Variants in TULP2 observed in about 807,000 individuals in gnomAD.
TULP2 encodes the protein TUB like protein 2, also known as tubby-related protein 2.
TULP2 carries 64 observed loss-of-function variants against 60.3 expected under a neutral mutation model. The ratio of observed to expected loss-of-function variants is 1.06; its 90% CI spans 0.87 to 1.31. The LOEUF is 1.31. Among genes scored for constraint, TULP2 ranks in the 50% most tolerant of loss-of-function variants. TULP2 has a pLI of 0.00. For synonymous variants in TULP2, 267 were observed against 265.4 expected (o/e 1.01, Z -0.06); for missense variants, 652 against 667.0 (o/e 0.98, Z 0.25).
intron 9 of TULP2, 35 bp from the exon 10 acceptor site, chr19:48,884,081 C>CTAAGTGTTACTCTTTGAG: frequency 6.4e-7 from 1 of 1,552,344 alleles, no homozygotes; most frequent in South Asian, 1.1e-5. Flanking sequence ...AATAAAAATA[C>CTAAGTGTTACTCTTTGAG]TAAGTGTTAC....
At chr19:48,894,943 A>T in intron 6 of TULP2, 55 bp downstream of exon 6, 26 of 1,561,596 alleles carry the variant, frequency 1.7e-5, no homozygotes, top group Non-Finnish European at 2.2e-5. Context: ...AAAGGGGAAG[A>T]TTTGCTGCAT....
At chr19:48,887,343 T>TTTTTTTTTTTTTTTTTTTTTTA (rs1568571174) in intron 8 of TULP2, among the ~76,000 whole-genome samples, 1 of 88,762 alleles carries the variant, frequency 1.1e-5, no homozygotes, top group Admixed American at 1.2e-4. Context: ...TTTTTTTTTT[T>TTTTTTTTTTTTTTTTTTTTTTA]ATGCAGAGTC....
In TULP2 at chr19:48,885,542, G is replaced by A. The variant is rs751465319; in HGVS notation, c.967C>T (p.Arg323Ter). The change falls in exon 9 of 13, where the codon CGA becomes TGA. Residue 323 changes from arginine to a stop codon, truncating the protein, a stop_gained. Coordinates refer to ENST00000221399, the MANE Select transcript of TULP2 (RefSeq NM_003323.3). LOFTEE classifies it high-confidence loss of function. ...DSLQRFLLAG[R>*]KRRRSKTSNY... ...GAAGTTTTGCTCCTTCTTCTCTTTC[G>A]CCCAGCCAGGAGGAAGCGCTATGGA... 29 of 1,613,670 alleles carry A rather than the reference G, an allele frequency of 1.8e-5. No homozygotes were observed. The highest frequency in any genetic ancestry group is 1.6e-4 in the Middle Eastern group (1 of 6,084).
In TULP2 at chr19:48,894,990, TAA is replaced by T. The variant is rs1463970898; in HGVS notation, c.514+6_514+7del. The T allele has an allele frequency of 1.9e-6, 3 of 1,609,668 alleles. No individual in the cohort carries two copies. The highest frequency in any genetic ancestry group is 2.5e-6 in the Non-Finnish European group (3 of 1,178,342). On this transcript the variant is annotated splice_donor_region_variant and intron_variant, in intron 6 of 12. Transcript: ENST00000221399. Reference sequence around the variant, plus strand: ...TCCCAGGTTTCACCCCAATGTCCCCTAAATTACCAGGTCGTTGGTGGGCTTGC... The same window carrying T: ...TCCCAGGTTTCACCCCAATGTCCCCTATTACCAGGTCGTTGGTGGGCTTGC...
rs2037265935 is a variant in TULP2, at chr19:48,895,046, G to C, written c.466C>G (p.Gln156Glu). ...NGSVSPPPFK[Q>E]SPRIRRKGWQ... ...CCCTTGCGTCGGATTCTCGGAGACTGTTTAAAAGGTGGGGGAGAGACGGAA... is the reference window on the plus strand; with the variant it reads ...CCCTTGCGTCGGATTCTCGGAGACTCTTTAAAAGGTGGGGGAGAGACGGAA... The change falls in exon 6 of 13, where the codon CAG becomes GAG. Residue 156 changes from glutamine (Q) to glutamate (E), a missense_variant. By Grantham distance (29) the Gln-to-Glu change is conservative. Coordinates refer to ENST00000221399, the MANE Select transcript of TULP2 (RefSeq NM_003323.3). The C allele has an allele frequency of 1.2e-6, 2 of 1,614,020 alleles. No individual in the cohort carries two copies. The highest frequency in any genetic ancestry group is 1.3e-5 in the African/African-American group (1 of 74,906).
rs962169176 is a variant in TULP2, at chr19:48,883,849, G to A, written c.1180C>T (p.Pro394Ser). The change falls in exon 11 of 13, where the codon CCC becomes TCC. Residue 394 changes from proline to serine, a missense_variant. Pro to Ser is a moderately conservative substitution (Grantham distance 74). Transcript: ENST00000221399. Reference protein sequence around the residue: ...RQELGAVCYEPNVLGYLGPRK... With the variant: ...RQELGAVCYESNVLGYLGPRK... ...GGCCCCAGGTATCCTAAGACGTTGG[G>A]CTCCTGGGGGTATTACATTCCAGTT... is the stretch of plus-strand genomic sequence containing the variant. 55 of 1,613,920 alleles carry A rather than the reference G, an allele frequency of 3.4e-5. No homozygotes were observed. The highest frequency in any genetic ancestry group is 1.6e-4 in the Middle Eastern group (1 of 6,084).
At chr19:48,894,461 T>G (rs2037260369) in intron 6 of TULP2, among the ~76,000 whole-genome samples, 1 of 151,966 alleles carries the variant, frequency 6.6e-6, no homozygotes, top group East Asian at 1.9e-4. Context: ...GCCAGCATGG[T>G]GAAACCCCAT....
At chr19:48,882,313 G>C (rs146972211) in intron 11 of TULP2, 110 bp from the exon 12 acceptor site, 2 of 1,221,770 alleles carry the variant, frequency 1.6e-6, no homozygotes, top group Admixed American at 4.4e-5. Flanking sequence ...ACAGGGGCTG[G>C]GTAAAATGAG....
chr19:48,885,577 C>G lies in TULP2; in HGVS notation c.949-17G>C. 2 of 1,609,496 alleles carry G rather than the reference C, an allele frequency of 1.2e-6. No individual in the cohort carries two copies. Among genetic ancestry groups the G allele is most frequent in the Non-Finnish European group, 1.7e-6 (2 of 1,176,220 alleles). On this transcript the variant is annotated splice_polypyrimidine_tract_variant and intron_variant, in intron 8 of 12. Transcript: ENST00000221399. The stretch of plus-strand genomic sequence containing the variant: ...GAGGAAGCGCTATGGATGAGAGGAA[C>G]AGTCCATTAGAATGGACTTCTGGAT...
At chr19:48,891,138 C>A (rs2037228551) in intron 6 of TULP2, among the ~76,000 whole-genome samples, 2 of 145,328 alleles carry the variant, frequency 1.4e-5, no homozygotes, top group Admixed American at 1.4e-4. Context: ...CATGGTGAAA[C>A]CCCGTCTCTA....
chr19:48,881,999 C>T, intron 12 of TULP2, 33 bp downstream of exon 12: 1 of 1,614,190 alleles, frequency 6.2e-7, no homozygotes, highest in Admixed American at 1.7e-5. Flanking sequence ...CCCACCCCAC[C>T]TGGCCCGGCT....
At chr19:48,890,140 C>T (rs1456977032) in intron 6 of TULP2, among the ~76,000 whole-genome samples, 9 of 151,762 alleles carry the variant, frequency 5.9e-5, no homozygotes, top group African/African-American at 9.7e-5. Flanking sequence ...GTCTCCTGCC[C>T]GTCCCTGGGC....
chr19:48,885,094 T>C (rs1177877759), intron 9 of TULP2, among the ~76,000 whole-genome samples: 1 of 151,664 alleles, frequency 6.6e-6, no homozygotes, highest in Non-Finnish European at 1.5e-5. Context: ...AGAGACGGGG[T>C]TTCACCATGT....
Position 48,882,205 on chromosome 19 carries a change from T to C in TULP2, c.1276-2A>G, listed in dbSNP as rs776612769. ...ACGACTCAGTAGCGACTCCTGTTCC[T>C]AGAAGGTAAAGAAGGGGCTGTGGTT... On this transcript the variant is annotated splice_acceptor_variant, in intron 11 of 12. Transcript: ENST00000221399. LOFTEE classifies it high-confidence loss of function. 8 of 1,613,876 alleles carry C rather than the reference T, an allele frequency of 5.0e-6. No homozygotes were observed. In the African/African-American group the frequency reaches 6.7e-5, roughly 13 times the overall value.
intron 6 of TULP2, among the ~76,000 whole-genome samples, chr19:48,890,551 G>A (rs10439081): frequency 2.4e-3 from 345 of 143,700 alleles, no homozygotes; most frequent in Non-Finnish European, 4.0e-3. Flanking sequence ...CAAGTCTCTC[G>A]TTCCACCTAA....
intron 4 of TULP2, among the ~76,000 whole-genome samples, chr19:48,895,937 C>T (rs944489698): frequency 4.6e-5 from 7 of 152,180 alleles, no homozygotes; most frequent in African/African-American, 1.4e-4. Context: ...AGACCCAGGT[C>T]CCAAACTGCA....
At chr19:48,884,367 C>A (rs113069070) in intron 9 of TULP2, among the ~76,000 whole-genome samples, 1 of 152,042 alleles carries the variant, frequency 6.6e-6, no homozygotes. Context: ...TCACCTGAGC[C>A]CCAGAGGTCA....
chr19:48,896,557 C>A lies in TULP2; in HGVS notation c.85-1G>T. 6.3e-7 allele frequency: 1 copy of A among 1,597,680 alleles called. No homozygotes were observed. Among genetic ancestry groups the A allele is most frequent in the South Asian group, 1.1e-5 (1 of 89,030 alleles). On this transcript the variant is annotated splice_acceptor_variant, in intron 3 of 12. Transcript: ENST00000221399. LOFTEE classifies it high-confidence loss of function. ...GCTGCTTCTTTTCAAACAGCCGCCG[C>A]TGGGGAGATGGGAGAGGTGGGTGTC...
At position 48,897,947 on chromosome 19, in the gene TULP2, CCTTATTTA is replaced by C. The variant is rs2037297250; in HGVS notation, c.-1-86_-1-79del. The C allele has an allele frequency of 1.0e-5, 8 of 797,584 alleles. No individual in the cohort carries two copies. Among genetic ancestry groups the C allele is most frequent in the East Asian group, 9.7e-5 (3 of 31,002 alleles). The allele number at this position is 797,584 out of a possible 1,614,324, so 49.4% of individuals were successfully genotyped here. ...CTGCCCACCAGCACCTAATCTTTAG[CCTTATTTA>C]TTTATTTATTTATTTATTTATTTAT... On this transcript the variant is annotated intron_variant, in intron 1 of 12. Coordinates refer to ENST00000221399, the MANE Select transcript of TULP2 (RefSeq NM_003323.3). This position sits in a 1 kb window ranked among gnomAD's most constrained non-coding sequence, Gnocchi z 4.0.
Sources: gnomAD v4.1 joint callset for allele counts (sites outside exome capture counted in the v4.1 genomes callset) on GRCh38, gnomAD v4.1.1 for gene constraint, Gnocchi (gnomAD v3.1) non-coding constraint, MANE v1.5 for transcripts, NCBI Gene and HGNC (gene_info 2026-07-23, HGNC 2026-07-21) for gene names.